The following DEPDC5 variants were observed in gnomAD, a reference collection of about 807,000 sequenced individuals.
DEPDC5 encodes GATOR1 complex protein DEPDC5.
Under a neutral mutation model 217.3 loss-of-function variants are expected in DEPDC5, and 73 were observed. The observed-to-expected ratio is 0.34, with a 90% CI of 0.28 to 0.41. The LOEUF (loss-of-function observed/expected upper bound fraction) is 0.41. DEPDC5 is among the 10% of genes least tolerant of loss of function. DEPDC5 has a pLI of 1.00. For missense variants in DEPDC5, 1,675 were observed against 2,070.1 expected (o/e 0.81, Z 3.70); for synonymous variants, 733 against 756.7 (o/e 0.97, Z 0.51).
intron 23 of DEPDC5, 80 bp downstream of exon 23, chr22:31,821,717 G>A: frequency 6.4e-7 from 1 of 1,555,284 alleles, no homozygotes; most frequent in Non-Finnish European, 8.8e-7. Flanking sequence ...ACAGACTATT[G>A]ACAAAATGTT....
rs1486749658 is a variant in DEPDC5, at chr22:31,772,840, A to G, written c.413+3977A>G. Among the ~76,000 whole-genome samples the G allele has an allele frequency of 7.2e-5, 11 of 151,926 alleles. No homozygotes were observed. In the East Asian group the frequency reaches 2.1e-3, roughly 29 times the overall value. On this transcript the variant is annotated intron_variant, in intron 7 of 42. Transcript: ENST00000651528. ...TCTGTTGCCTAGGCTGGAGTGTAGT[A>G]GCATGATATCTCCCCACTGCAACCT...
chr22:31,759,676 C>CT (rs35291104), intron 3 of DEPDC5, among the ~76,000 whole-genome samples: 23,027 of 94,900 alleles, frequency 0.24, 3,531 homozygotes, highest in African/African-American at 0.36. Flanking sequence ...CGCGCCCAGC[C>CT]TTTTTTTTTT....
At chr22:31,783,522 C>CT (rs951825911) in intron 8 of DEPDC5, among the ~76,000 whole-genome samples, 21 of 151,944 alleles carry the variant, frequency 1.4e-4, no homozygotes, top group African/African-American at 4.8e-4. Context: ...ATTTTGTGGC[C>CT]TGGTGGTGCA....
chr22:31,790,837 C>A (rs574192970), intron 10 of DEPDC5, among the ~76,000 whole-genome samples: 6 of 151,678 alleles, frequency 4.0e-5, no homozygotes, highest in Non-Finnish European at 5.9e-5. Context: ...GTCTCCACCC[C>A]CTGGGTTCAA....
chr22:31,848,104 A>G (rs932352239), intron 31 of DEPDC5, among the ~76,000 whole-genome samples: 2 of 152,266 alleles, frequency 1.3e-5, no homozygotes, highest in African/African-American at 4.8e-5. Flanking sequence ...CATTCAGGGC[A>G]TGCTGATACA....
chr22:31,765,892 G>A (rs533017409), intron 5 of DEPDC5, among the ~76,000 whole-genome samples: 5 of 152,214 alleles, frequency 3.3e-5, no homozygotes, highest in East Asian at 1.9e-4. Context: ...GTGTGGTGGC[G>A]CACCCCTGAA....
Position 31,838,788 on chromosome 22 carries a change from C to T in DEPDC5, c.2458C>T (p.Gln820Ter). The change falls in exon 27 of 43, where the codon CAG becomes TAG. Residue 820 changes from glutamine (Q) to a stop codon, truncating the protein, a stop_gained. Coordinates refer to ENST00000651528, the MANE Select transcript of DEPDC5 (RefSeq NM_001242896.3). LOFTEE classifies it high-confidence loss of function. ...CCAAATCATAGTGCAGCCCAAGACA[C>T]AGAAACCCAATCCTGCTGTCCCGCC... ...GYQIIVQPKTQKPNPAVPPPL... is the reference protein window; with the variant it reads ...GYQIIVQPKT The T allele has an allele frequency of 6.2e-7, 1 of 1,614,142 alleles. No homozygotes were observed. Among genetic ancestry groups the T allele is most frequent in the Non-Finnish European group, 8.5e-7 (1 of 1,180,016 alleles).
chr22:31,892,939 G>C (rs370531516), intron 38 of DEPDC5, among the ~76,000 whole-genome samples: 3 of 146,970 alleles, frequency 2.0e-5, no homozygotes, highest in East Asian at 4.1e-4. Context: ...GCAATGGCGC[G>C]ATCTCGGCTC....
Position 31,783,961 on chromosome 22 carries a change from G to T in DEPDC5, c.538G>T (p.Glu180Ter). ...TTACATATTTATTCAGATGAGCTGT[G>T]AAATGTGGGATTTTGATATTTATGG... ...MVYIFIQMSC[E>*]MWDFDIYGDL... Residue 180 changes from glutamate to a stop codon, truncating the protein, a stop_gained, in exon 9 of 43, where the codon GAA becomes TAA. Coordinates refer to ENST00000651528, the MANE Select transcript of DEPDC5 (RefSeq NM_001242896.3). LOFTEE classifies it high-confidence loss of function. 6.2e-7 allele frequency: 1 copy of T among 1,613,646 alleles called. No individual in the cohort carries two copies. The highest frequency in any genetic ancestry group is 1.1e-5 in the South Asian group (1 of 90,992).
intron 9 of DEPDC5, chr22:31,784,484 C>G (rs1221970032): frequency 1.3e-5 from 3 of 227,134 alleles, no homozygotes; most frequent in African/African-American, 7.0e-5. Flanking sequence ...CAAAAATTAG[C>G]TGGGCTTGGT....
intron 18 of DEPDC5, among the ~76,000 whole-genome samples, chr22:31,808,850 C>T (rs1032853842): frequency 6.6e-6 from 1 of 152,148 alleles, no homozygotes; most frequent in African/African-American, 2.4e-5. Context: ...CAGGCATGAG[C>T]CTTTGTACTC....
intron 4 of DEPDC5, among the ~76,000 whole-genome samples, chr22:31,760,929 G>C (rs930688547): frequency 1.3e-5 from 2 of 151,554 alleles, no homozygotes; most frequent in African/African-American, 4.9e-5. Context: ...AGTGAACCTT[G>C]TATCTGACAG....
intron 13 of DEPDC5, 28 bp from the exon 14 acceptor site, chr22:31,798,554 T>A (rs1241244796): frequency 1.3e-6 from 2 of 1,592,632 alleles, no homozygotes; most frequent in Non-Finnish European, 1.7e-6. Flanking sequence ...ATGAGATGTT[T>A]TTCTTTCTCT....
At chr22:31,851,364 G>A (rs2092017555) in intron 31 of DEPDC5, among the ~76,000 whole-genome samples, 1 of 152,216 alleles carries the variant, frequency 6.6e-6, no homozygotes, top group Admixed American at 6.5e-5. Flanking sequence ...TGGCATTGTA[G>A]GAAGCAAAGC....
Position 31,906,434 on chromosome 22 carries a change from T to A in DEPDC5, c.4749T>A (p.Arg1583=). ...LKDFTDFCIN[R]DNRLVTFWTS... ...ACTTCACGGACTTCTGCATCAACCG[T>A]GACAACCGGCTGGTCACGTTCTGGA... The change falls in exon 43 of 43, where the codon CGT becomes CGA. Residue 1583 remains arginine (R), a synonymous_variant. Coordinates refer to ENST00000651528, the MANE Select transcript of DEPDC5 (RefSeq NM_001242896.3). This position sits in a 1 kb window ranked among gnomAD's most constrained non-coding sequence, Gnocchi z 5.1. 6.2e-7 allele frequency: 1 copy of A among 1,614,020 alleles called. No homozygotes were observed.
intron 27 of DEPDC5, among the ~76,000 whole-genome samples, 182 bp downstream of exon 27, chr22:31,839,027 C>A (rs1317338290): frequency 6.6e-6 from 1 of 152,076 alleles, no homozygotes; most frequent in Non-Finnish European, 1.5e-5. Context: ...ATTTTAAATG[C>A]TCTCTTTAAT....
chr22:31,871,758 A>G (rs2092850440), intron 34 of DEPDC5, among the ~76,000 whole-genome samples: 1 of 152,208 alleles, frequency 6.6e-6, no homozygotes, highest in Non-Finnish European at 1.5e-5. Context: ...AAAGACCAAA[A>G]ATGACATGGC....
intron 33 of DEPDC5, among the ~76,000 whole-genome samples, chr22:31,869,059 A>G (rs979721891): frequency 2.0e-5 from 3 of 152,176 alleles, no homozygotes; most frequent in Admixed American, 2.0e-4. Context: ...CCGAGGCAAC[A>G]TAGCTAGACT....
At position 31,819,508 on chromosome 22, in the gene DEPDC5, G is replaced by T. The variant is rs183850937; in HGVS notation, c.1870+283G>T. 3.4e-4 allele frequency among the ~76,000 whole-genome samples: 47 copies of T among 136,846 alleles called. No individual in the cohort carries two copies. In the East Asian group the frequency reaches 7.6e-3, roughly 22 times the overall value. 89.8% of individuals were successfully genotyped at this position (136,846 alleles called of 152,430 possible). Reference sequence around the variant, plus strand: ...TTTGAGACAGGGTCTCACTCTAGTTGCCTAGGCTGGAGTGCAGTGGTGCAG... The same window carrying T: ...TTTGAGACAGGGTCTCACTCTAGTTTCCTAGGCTGGAGTGCAGTGGTGCAG... On this transcript the variant is annotated intron_variant, in intron 22 of 42. Transcript: ENST00000651528.
Sources: allele counts gnomAD v4.1 joint callset (sites outside exome capture counted in the v4.1 genomes callset), GRCh38; gene constraint gnomAD v4.1.1; non-coding constraint Gnocchi (gnomAD v3.1); transcripts MANE v1.5; gene names NCBI Gene and HGNC (gene_info 2026-07-23, HGNC 2026-07-21).